Variants in ROBO2 observed in about 807,000 individuals in gnomAD.
ROBO2 encodes roundabout homolog 2.
A neutral mutation model predicts 160.8 loss-of-function variants in ROBO2; 53 were observed. The observed-to-expected ratio is 0.33, with a 90% CI of 0.26 to 0.41. The LOEUF (loss-of-function observed/expected upper bound fraction) is 0.41, where lower values mean the gene tolerates loss of function less well. Ranked by LOEUF, ROBO2 falls within the 10% of genes least tolerant of loss-of-function variation. The probability of loss-of-function intolerance (pLI) is 1.00; values close to 1 mark genes in which losing one functional copy is unlikely to be tolerated. For missense variants in ROBO2, 1,577 were observed against 1,722.4 expected (o/e 0.92, Z 1.49); for synonymous variants, 664 against 611.7 (o/e 1.09, Z -1.26).
chr3:77,417,539 A>C (rs1041282323), intron 2 of ROBO2, among the ~76,000 whole-genome samples: 1 of 152,160 alleles, frequency 6.6e-6, no homozygotes, highest in Non-Finnish European at 1.5e-5. Flanking sequence ...GCATTGTCTC[A>C]GTCATTAATT....
chr3:76,365,189 C>T (rs943242413), intron 2 of ROBO2, among the ~76,000 whole-genome samples: 5 of 151,984 alleles, frequency 3.3e-5, no homozygotes, highest in African/African-American at 9.7e-5. Context: ...ATCTGTACTC[C>T]AAAGTAAATG....
At chr3:77,403,889 G>A (rs1447030235) in intron 2 of ROBO2, among the ~76,000 whole-genome samples, 2 of 151,622 alleles carry the variant, frequency 1.3e-5, no homozygotes, top group African/African-American at 2.4e-5. Flanking sequence ...TTTTAAGTTG[G>A]CACTCTGTTC....
chr3:76,469,384 A>G (rs989270376), intron 2 of ROBO2, among the ~76,000 whole-genome samples: 7 of 152,056 alleles, frequency 4.6e-5, no homozygotes, highest in African/African-American at 1.7e-4. Context: ...CCTCTACACT[A>G]AAGCCAGAAT....
At chr3:76,478,667 CACTT>C (rs531813688) in intron 2 of ROBO2, among the ~76,000 whole-genome samples, 177 of 149,942 alleles carry the variant, frequency 1.2e-3, no homozygotes, top group African/African-American at 4.2e-3. Flanking sequence ...CAACATCACA[CACTT>C]TTTTCTCTGT....
intron 2 of ROBO2, among the ~76,000 whole-genome samples, chr3:77,107,286 C>G (rs976539217): frequency 1.3e-5 from 2 of 152,068 alleles, no homozygotes; most frequent in Admixed American, 1.3e-4. Flanking sequence ...ACGTTCTGAC[C>G]ACAGCTCTGG....
intron 20 of ROBO2, among the ~76,000 whole-genome samples, chr3:77,607,361 T>C (rs1437439497): frequency 6.6e-6 from 1 of 152,238 alleles, no homozygotes; most frequent in African/African-American, 2.4e-5. Context: ...ATTAATTAAA[T>C]TGAATAAATT....
chr3:77,107,559 A>G (rs1375518855), intron 2 of ROBO2, among the ~76,000 whole-genome samples: 4 of 152,228 alleles, frequency 2.6e-5, no homozygotes, highest in Admixed American at 1.3e-4. Flanking sequence ...CTATTTGCAT[A>G]TCATTTACAT....
intron 2 of ROBO2, among the ~76,000 whole-genome samples, chr3:76,815,853 G>A (rs968953303): frequency 6.6e-6 from 1 of 151,912 alleles, no homozygotes; most frequent in Non-Finnish European, 1.5e-5. Context: ...TCTCCTCAAG[G>A]CTGCACTTTT....
chr3:76,432,297 G>T (rs1280814887), intron 2 of ROBO2, among the ~76,000 whole-genome samples: 1 of 152,090 alleles, frequency 6.6e-6, no homozygotes, highest in Admixed American at 6.6e-5. Context: ...TCTCCCCAAA[G>T]TCTATTTTTA....
intron 2 of ROBO2, among the ~76,000 whole-genome samples, chr3:76,049,403 A>ATATATATATATATATTTTTTTTT (rs1414664360): frequency 1.9e-5 from 1 of 53,760 alleles, no homozygotes; most frequent in African/African-American, 1.5e-4. Context: ...ATATATATAT[A>ATATATATATATATATTTTTTTTT]TTTTTTTTTT....
At chr3:76,803,706 G>T (rs940088576) in intron 2 of ROBO2, among the ~76,000 whole-genome samples, 1 of 152,050 alleles carries the variant, frequency 6.6e-6, no homozygotes, top group Non-Finnish European at 1.5e-5. Flanking sequence ...GCAAGACCAG[G>T]ACCGTATCTT....
At chr3:76,360,771 G>A (rs527545984) in intron 2 of ROBO2, among the ~76,000 whole-genome samples, 2 of 152,156 alleles carry the variant, frequency 1.3e-5, no homozygotes, top group South Asian at 2.1e-4. Flanking sequence ...AGAAAGAATT[G>A]GCTGGAATCT....
chr3:77,557,126 T>C (rs2093150807), intron 8 of ROBO2, among the ~76,000 whole-genome samples: 1 of 151,916 alleles, frequency 6.6e-6, no homozygotes, highest in African/African-American at 2.4e-5. Flanking sequence ...TGTATTGTAC[T>C]ACCGAAATGC....
intron 2 of ROBO2, among the ~76,000 whole-genome samples, chr3:76,227,830 C>T (rs1171532578): frequency 3.9e-5 from 6 of 152,178 alleles, no homozygotes; most frequent in African/African-American, 1.4e-4. Flanking sequence ...TGGAGAAGCA[C>T]TGCTCTGGCA....
intron 2 of ROBO2, among the ~76,000 whole-genome samples, chr3:76,726,614 C>T (rs146610499): frequency 6.6e-5 from 10 of 152,262 alleles, no homozygotes; most frequent in African/African-American, 2.4e-4. Flanking sequence ...TCTGCATCTG[C>T]TTCGTATTGA....
At chr3:77,641,447 C>A (rs901010934) in intron 24 of ROBO2, among the ~76,000 whole-genome samples, 2 of 152,134 alleles carry the variant, frequency 1.3e-5, no homozygotes, top group African/African-American at 4.8e-5. Context: ...AGGAAGCTAT[C>A]TTTTGTCTAC....
chr3:77,269,708 G>A (rs765975101), intron 2 of ROBO2, among the ~76,000 whole-genome samples: 1 of 152,088 alleles, frequency 6.6e-6, no homozygotes, highest in Non-Finnish European at 1.5e-5. Context: ...CACAAGGGAG[G>A]GACATCTATA....
chr3:76,221,586 A>G (rs1311386158), intron 2 of ROBO2, among the ~76,000 whole-genome samples: 1 of 152,216 alleles, frequency 6.6e-6, no homozygotes. Flanking sequence ...TTCAGAGAAT[A>G]TACAACCTTC....
chr3:76,227,743 A>G (rs535264125), intron 2 of ROBO2, among the ~76,000 whole-genome samples: 1 of 152,286 alleles, frequency 6.6e-6, no homozygotes, highest in South Asian at 2.1e-4. Context: ...AGAGCTTTGT[A>G]GACATTTGAA....
Sources: gnomAD v4.1 joint callset for allele counts (sites outside exome capture counted in the v4.1 genomes callset) on GRCh38, gnomAD v4.1.1 for gene constraint, MANE v1.5 for transcripts, NCBI Gene and HGNC (gene_info 2026-07-23, HGNC 2026-07-21) for gene names.